TNPO1: variants seen among roughly 807,000 people sequenced by gnomAD.
TNPO1 encodes the protein transportin 1, also known as transportin-1.
TNPO1 carries 8 observed loss-of-function variants against 119.5 expected under a neutral mutation model. That is an observed-to-expected ratio of 0.07 (90% CI 0.04 to 0.12). TNPO1 has a LOEUF of 0.12. Ranked by LOEUF, TNPO1 falls within the 10% of genes least tolerant of loss-of-function variation. TNPO1 has a pLI of 1.00. For synonymous variants in TNPO1, 362 were observed against 363.0 expected (o/e 1.00, Z 0.03); for missense variants, 576 against 1,089.8 (o/e 0.53, Z 6.64).
At chr5:72,882,967 C>T in intron 10 of TNPO1, 97 bp from the exon 11 acceptor site, 1 of 862,142 alleles carries the variant, frequency 1.2e-6, no homozygotes, top group Non-Finnish European at 1.9e-6. Context: ...GAATTCTGTG[C>T]ATGACCCCAT....
At position 72,896,960 on chromosome 5, in the gene TNPO1, A is replaced by C. The variant is rs1431886469; in HGVS notation, c.2243-96A>C. The C allele has an allele frequency of 1.1e-5, 6 of 555,304 alleles. No individual in the cohort carries two copies. The East Asian group carries it at 1.9e-4, about 18-fold the overall frequency. 34.4% of individuals were successfully genotyped at this position (555,304 alleles called of 1,614,324 possible). On this transcript the variant is annotated intron_variant, in intron 19 of 24. Transcript: ENST00000337273. The stretch of plus-strand genomic sequence containing the variant: ...ATTTGTATTTCTATATTTATATGAC[A>C]TGTCAGAGTTAATACGGGAAGCAAA...
At chr5:72,825,718 G>A (rs753153491) in intron 1 of TNPO1, 5 of 152,276 alleles carry the variant, frequency 3.3e-5, no homozygotes, top group Non-Finnish European at 5.9e-5. Context: ...GAGATCCCTT[G>A]CCCTTTGTCT....
Position 72,875,755 on chromosome 5 carries a change from A to T in TNPO1, c.801+18A>T, listed in dbSNP as rs754423834. The T allele has an allele frequency of 1.9e-5, 30 of 1,590,428 alleles. No individual in the cohort carries two copies. In the East Asian group the frequency reaches 6.5e-4, roughly 35 times the overall value. On this transcript the variant is annotated intron_variant, in intron 8 of 24. Coordinates refer to ENST00000337273, the MANE Select transcript of TNPO1 (RefSeq NM_002270.4). The stretch of plus-strand genomic sequence containing the variant: ...TAGTTGAGGTAACACTGGCAATTTA[A>T]AGGCTCTTTCATCATCTTTCCCCTA...
intron 1 of TNPO1, among the ~76,000 whole-genome samples, chr5:72,826,784 G>A (rs1744223105): frequency 6.6e-6 from 1 of 152,108 alleles, no homozygotes; most frequent in East Asian, 1.9e-4. Context: ...ATTCCATAGA[G>A]AAGAACGCTA....
chr5:72,890,079 T>G, intron 14 of TNPO1, 122 bp downstream of exon 14: 1 of 1,080,726 alleles, frequency 9.3e-7, no homozygotes, highest in Non-Finnish European at 1.3e-6. Flanking sequence ...TTAGCTACTT[T>G]AAGAGTATAG....
chr5:72,902,918 A>AC (rs1749897946), intron 22 of TNPO1, among the ~76,000 whole-genome samples: 1 of 152,098 alleles, frequency 6.6e-6, no homozygotes, highest in Non-Finnish European at 1.5e-5. Flanking sequence ...AAACATACAC[A>AC]CACTGTAGTA....
Position 72,862,803 on chromosome 5 carries a change from G to A in TNPO1, c.462+889G>A, listed in dbSNP as rs1384350487. ...TGCGATTACAGGCATGAGCCACCAC[G>A]CCCGCCTAATTTTTTTGTATTTTTA... On this transcript the variant is annotated intron_variant, in intron 5 of 24. Transcript: ENST00000337273. Among the ~76,000 whole-genome samples the A allele has an allele frequency of 2.6e-5, 4 of 152,020 alleles. No homozygotes were observed. The East Asian group carries it at 5.8e-4, about 22-fold the overall frequency.
chr5:72,839,978 T>C (rs571958354), intron 1 of TNPO1, among the ~76,000 whole-genome samples: 12 of 152,288 alleles, frequency 7.9e-5, no homozygotes, highest in Non-Finnish European at 1.3e-4. Context: ...AGCCTTTTGT[T>C]TTCATTAAAA....
chr5:72,832,674 A>G (rs1358838192), intron 1 of TNPO1, among the ~76,000 whole-genome samples: 5 of 152,182 alleles, frequency 3.3e-5, no homozygotes, highest in Non-Finnish European at 7.3e-5. Context: ...AGTGTTAGTA[A>G]AATGAATATT....
chr5:72,838,091 CT>C (rs752515507), intron 1 of TNPO1, among the ~76,000 whole-genome samples: 3 of 152,156 alleles, frequency 2.0e-5, no homozygotes, highest in Non-Finnish European at 2.9e-5. Context: ...CTACTAACCA[CT>C]TAACTTTTTT....
intron 1 of TNPO1, among the ~76,000 whole-genome samples, chr5:72,824,799 C>T (rs1340462429): frequency 6.9e-6 from 1 of 144,846 alleles, no homozygotes; most frequent in Non-Finnish European, 1.5e-5. Flanking sequence ...AGATCTTTAG[C>T]CCCCTCCTCA....
chr5:72,903,849 T>C (rs1020122364), intron 23 of TNPO1, 66 bp downstream of exon 23: 81 of 1,101,780 alleles, frequency 7.4e-5, no homozygotes, highest in Non-Finnish European at 1.0e-4. Context: ...AAACTTTAAA[T>C]TATGTTTACA....
intron 1 of TNPO1, chr5:72,816,969 A>T: frequency 1.9e-6 from 1 of 516,590 alleles, no homozygotes; most frequent in South Asian, 2.9e-5. Flanking sequence ...GGAGCAGGCG[A>T]CGGCGGCTCC....
At chr5:72,891,330 TGG>T (rs992792586) in intron 14 of TNPO1, among the ~76,000 whole-genome samples, 7 of 151,756 alleles carry the variant, frequency 4.6e-5, no homozygotes, top group Non-Finnish European at 2.9e-5. Context: ...CCGGGTGTGG[TGG>T]GGGGTGCCTG....
At chr5:72,821,626 G>A (rs1743959725) in intron 1 of TNPO1, among the ~76,000 whole-genome samples, 1 of 152,032 alleles carries the variant, frequency 6.6e-6, no homozygotes, top group Non-Finnish European at 1.5e-5. Context: ...ATTAGTGCTG[G>A]GATTATCTCT....
intron 1 of TNPO1, among the ~76,000 whole-genome samples, chr5:72,841,624 C>T (rs970105572): frequency 1.4e-4 from 21 of 152,170 alleles, no homozygotes; most frequent in African/African-American, 4.8e-4. Flanking sequence ...CAGGAATGAG[C>T]CACCGCGCCC....
intron 1 of TNPO1, chr5:72,848,075 G>C: frequency 9.1e-7 from 1 of 1,097,692 alleles, no homozygotes; most frequent in Non-Finnish European, 1.1e-6. Flanking sequence ...TAGGACCCAG[G>C]GGGCTCCCGT....
chr5:72,897,191 G>T, intron 20 of TNPO1, 40 bp downstream of exon 20: 1 of 1,476,184 alleles, frequency 6.8e-7, no homozygotes, highest in Non-Finnish European at 9.3e-7. Context: ...GAGAAAATTT[G>T]TTGCCTTTTA....
At chr5:72,823,382 A>G (rs1438621046) in intron 1 of TNPO1, among the ~76,000 whole-genome samples, 1 of 152,136 alleles carries the variant, frequency 6.6e-6, no homozygotes, top group Admixed American at 6.5e-5. Context: ...CCTCTCTTCC[A>G]GTGCTCTTCC....
Sources: allele counts gnomAD v4.1 joint callset (sites outside exome capture counted in the v4.1 genomes callset), GRCh38; gene constraint gnomAD v4.1.1; transcripts MANE v1.5; gene names NCBI Gene and HGNC (gene_info 2026-07-23, HGNC 2026-07-21).